ANXA8: variants seen among roughly 807,000 people sequenced by gnomAD.
ANXA8 encodes the protein annexin A8, also known as VAC-beta.
In ANXA8, 9 loss-of-function variants were observed where a neutral mutation model predicts 26.8. That is an observed-to-expected ratio of 0.34 (90% CI 0.20 to 0.59). The LOEUF is 0.59. ANXA8 is among the 20% of genes least tolerant of loss of function. The pLI, the probability that ANXA8 is intolerant of heterozygous loss-of-function variation, is 0.84. For missense variants in ANXA8, 83 were observed against 238.5 expected (o/e 0.35, Z 4.29); for synonymous variants, 39 against 94.8 (o/e 0.41, Z 3.42).
At chr10:47,733,298 T>TCTTTCTTTCTTTC in the ANXA8 span, among the ~76,000 whole-genome samples, 26 of 60,128 alleles carry the variant, frequency 4.3e-4, 1 homozygote, top group African/African-American at 1.3e-3. Context: ...TTTCTTTCTT[T>TCTTTCTTTCTTTC]TTTTTCTTTC....
chr10:47,687,568 A>G, the ANXA8 span, among the ~76,000 whole-genome samples: 1 of 151,850 alleles, frequency 6.6e-6, no homozygotes, highest in Non-Finnish European at 1.5e-5. Context: ...CCTGGCCCCA[A>G]CCAACATTTC....
chr10:47,559,423 C>T, the ANXA8 span, among the ~76,000 whole-genome samples: 1 of 151,782 alleles, frequency 6.6e-6, no homozygotes, highest in Non-Finnish European at 1.5e-5. Flanking sequence ...CCACCACATC[C>T]AGCCTCCTTA....
At chr10:47,660,607 G>A in the ANXA8 span, among the ~76,000 whole-genome samples, 2 of 151,648 alleles carry the variant, frequency 1.3e-5, no homozygotes, top group African/African-American at 4.9e-5. Flanking sequence ...CGCCATGTTG[G>A]CCAGGCTGGT....
At chr10:47,686,885 A>G in the ANXA8 span, among the ~76,000 whole-genome samples, 2 of 151,658 alleles carry the variant, frequency 1.3e-5, no homozygotes, top group South Asian at 4.2e-4. Context: ...AGATTAAAGG[A>G]GAAATGAGAT....
intron 1 of ANXA8, 133 bp downstream of exon 1, chr10:47,483,780 C>T (rs1335453327): frequency 1.9e-6 from 3 of 1,602,590 alleles, no homozygotes; most frequent in Admixed American, 1.7e-5. Context: ...ACCCTCCATG[C>T]TTGGCCCAGG....
chr10:47,696,045 C>T, the ANXA8 span, among the ~76,000 whole-genome samples: 1 of 151,666 alleles, frequency 6.6e-6, no homozygotes, highest in Non-Finnish European at 1.5e-5. Flanking sequence ...GGCACTACGG[C>T]TTTGGAACCA....
At chr10:47,502,666 T>G in the ANXA8 span, 1 of 1,608,304 alleles carries the variant, frequency 6.2e-7, no homozygotes. Context: ...ACTGGCCCAC[T>G]TAGGATTCTG....
chr10:47,533,224 C>CA, the ANXA8 span, among the ~76,000 whole-genome samples: 15,225 of 116,794 alleles, frequency 0.13, 456 homozygotes, highest in African/African-American at 0.2. Context: ...CACACACACA[C>CA]CCCCGCAGAC....
chr10:47,942,016 G>A, the ANXA8 span, among the ~76,000 whole-genome samples: 1 of 147,720 alleles, frequency 6.8e-6, no homozygotes, highest in Non-Finnish European at 1.5e-5. Flanking sequence ...AGAAAAGCTT[G>A]CTATCTATTA....
At chr10:47,733,197 CTTTCT>C in the ANXA8 span, among the ~76,000 whole-genome samples, 8 of 109,726 alleles carry the variant, frequency 7.3e-5, no homozygotes, top group African/African-American at 2.4e-4. Flanking sequence ...TTCTTTCTTT[CTTTCT>C]TTCTTTCTTT....
At chr10:47,751,416 G>A in the ANXA8 span, 28 of 76,350 alleles carry the variant, frequency 3.7e-4, no homozygotes, top group African/African-American at 1.4e-3. Context: ...AGTTTGGCAA[G>A]AGCTAAATAA....
At chr10:47,551,839 C>G in the ANXA8 span, 3 of 1,090,186 alleles carry the variant, frequency 2.8e-6, no homozygotes, top group East Asian at 9.5e-5. Flanking sequence ...GCTGGAGATC[C>G]TGCAGATGCC....
At chr10:47,778,870 A>G in the ANXA8 span, among the ~76,000 whole-genome samples, 2 of 150,382 alleles carry the variant, frequency 1.3e-5, no homozygotes, top group African/African-American at 4.9e-5. Flanking sequence ...TTCTGCTCAC[A>G]ATTATATGAT....
At chr10:47,718,267 T>C in the ANXA8 span, among the ~76,000 whole-genome samples, 5 of 148,752 alleles carry the variant, frequency 3.4e-5, no homozygotes, top group Admixed American at 1.3e-4. Flanking sequence ...GCCCAGGAGT[T>C]GGAGACCAGC....
chr10:47,533,225 C>CACACACACACA, the ANXA8 span, among the ~76,000 whole-genome samples: 79 of 98,570 alleles, frequency 8.0e-4, no homozygotes, highest in African/African-American at 2.3e-3. Flanking sequence ...ACACACACAC[C>CACACACACACA]CCCGCAGACA....
chr10:47,555,238 C>T, the ANXA8 span, among the ~76,000 whole-genome samples: 116 of 151,816 alleles, frequency 7.6e-4, no homozygotes, highest in African/African-American at 2.3e-3. Context: ...TCTGAGACAC[C>T]GCTCCTTTCC....
chr10:47,733,225 T>TCTC, the ANXA8 span, among the ~76,000 whole-genome samples: 8 of 58,360 alleles, frequency 1.4e-4, no homozygotes, highest in Admixed American at 2.0e-4. Flanking sequence ...TTCTTTCTCT[T>TCTC]TCTTTCTCTC....
At chr10:47,694,417 CTTT>C in the ANXA8 span, among the ~76,000 whole-genome samples, 43 of 107,946 alleles carry the variant, frequency 4.0e-4, no homozygotes, top group African/African-American at 1.3e-3. Context: ...AGAAATCTTC[CTTT>C]TTTTTTTTTT....
At chr10:47,503,708 G>A in the ANXA8 span, among the ~76,000 whole-genome samples, 3 of 125,302 alleles carry the variant, frequency 2.4e-5, 1 homozygote, top group African/African-American at 6.8e-5. Flanking sequence ...GGTGGATCAC[G>A]AGGTCAGGAG....
Sources: gnomAD v4.1 joint callset for allele counts (sites outside exome capture counted in the v4.1 genomes callset) on GRCh38, gnomAD v4.1.1 for gene constraint, MANE v1.5 for transcripts, NCBI Gene and HGNC (gene_info 2026-07-23, HGNC 2026-07-21) for gene names.